The following MAP3K5 variants were observed in gnomAD, a reference collection of about 807,000 sequenced individuals.
MAP3K5 encodes the protein ASK-1.
In MAP3K5, 56 loss-of-function variants were observed where a neutral mutation model predicts 158.7. That is an observed-to-expected ratio of 0.35 (90% CI 0.28 to 0.44). MAP3K5 has a LOEUF of 0.44. Ranked by LOEUF, MAP3K5 falls within the 20% of genes least tolerant of loss-of-function variation. The pLI, the probability that MAP3K5 is intolerant of heterozygous loss-of-function variation, is 1.00. For synonymous variants in MAP3K5, 579 were observed against 601.7 expected, an observed-to-expected ratio of 0.96 and a Z score of 0.55; for missense variants, 1,294 against 1,674.8, an observed-to-expected ratio of 0.77 and a Z score of 3.97.
chr6:136,663,199 T>A (rs1323070626), intron 8 of MAP3K5, among the ~76,000 whole-genome samples: 1 of 152,172 alleles, frequency 6.6e-6, no homozygotes, highest in Non-Finnish European at 1.5e-5. Flanking sequence ...TCTAAAGCCA[T>A]ACACCTTATA....
chr6:136,770,063 G>C (rs923585438), intron 1 of MAP3K5, among the ~76,000 whole-genome samples: 1 of 152,110 alleles, frequency 6.6e-6, no homozygotes, highest in Non-Finnish European at 1.5e-5. Flanking sequence ...GCAATGGAAG[G>C]GGAGACCATG....
chr6:136,669,220 T>C, intron 8 of MAP3K5, 63 bp downstream of exon 8: 1 of 1,066,760 alleles, frequency 9.4e-7, no homozygotes, highest in Non-Finnish European at 1.4e-6. Context: ...CATGATTCTT[T>C]TTCTTTGCAC....
chr6:136,647,387 G>A (rs1165002435), intron 11 of MAP3K5, among the ~76,000 whole-genome samples: 4 of 152,100 alleles, frequency 2.6e-5, no homozygotes, highest in South Asian at 2.1e-4. Context: ...GAGTTGAAGC[G>A]CATGCCTAGG....
At chr6:136,637,435 C>A in intron 13 of MAP3K5, 29 bp from the exon 14 acceptor site, 1 of 1,252,644 alleles carries the variant, frequency 8.0e-7, no homozygotes, top group East Asian at 2.3e-5. Flanking sequence ...CGTGAGCATT[C>A]ATAACACAAA....
chr6:136,758,433 T>C (rs1783601250), intron 1 of MAP3K5, among the ~76,000 whole-genome samples: 1 of 152,250 alleles, frequency 6.6e-6, no homozygotes, highest in Admixed American at 6.5e-5. Flanking sequence ...ACTGCATTTA[T>C]ACCTCTCAAG....
At chr6:136,584,206 T>C (rs190740204) in intron 23 of MAP3K5, among the ~76,000 whole-genome samples, 2 of 152,236 alleles carry the variant, frequency 1.3e-5, no homozygotes, top group Admixed American at 1.3e-4. Flanking sequence ...ATTTGAGCAA[T>C]AAGCCATAGG....
At chr6:136,629,347 T>C (rs1777202474) in intron 14 of MAP3K5, 1 of 152,190 alleles carries the variant, frequency 6.6e-6, no homozygotes, top group African/African-American at 2.4e-5. Context: ...TCTTTATATG[T>C]AAATGCCAAA....
At chr6:136,642,024 T>TAAAATAAAATA (rs1777979329) in intron 12 of MAP3K5, among the ~76,000 whole-genome samples, 3 of 106,162 alleles carry the variant, frequency 2.8e-5, no homozygotes, top group African/African-American at 8.6e-5. Context: ...ATAAATAAAA[T>TAAAATAAAATA]AAAATAAAAA....
intron 23 of MAP3K5, among the ~76,000 whole-genome samples, chr6:136,587,106 T>C (rs1253815684): frequency 6.6e-6 from 1 of 152,220 alleles, no homozygotes; most frequent in Admixed American, 6.5e-5. Context: ...CTCCAGTCTT[T>C]ATCCTTTAAA....
rs569841428 is a variant in MAP3K5 at position 136,603,957 on chromosome 6, G to A, written c.2679+1252C>T. Among the ~76,000 whole-genome samples the A allele has an allele frequency of 6.6e-5, 10 of 152,312 alleles. No individual in the cohort carries two copies. The South Asian group carries it at 2.1e-3, about 32-fold the overall frequency. The stretch of plus-strand genomic sequence containing the variant: ...TGTAACAACACATGGCCCCTCACAA[G>A]AGGCTATGCACAGATGGAATAAGAG... On this transcript the variant is annotated intron_variant, in intron 19 of 29. Transcript: ENST00000359015.
intron 1 of MAP3K5, among the ~76,000 whole-genome samples, chr6:136,734,145 G>C (rs565595709): frequency 6.6e-6 from 1 of 152,046 alleles, no homozygotes; most frequent in Admixed American, 6.6e-5. Flanking sequence ...GGCTGGGTGC[G>C]GTAGCTCACC....
intron 21 of MAP3K5, among the ~76,000 whole-genome samples, chr6:136,600,690 C>T (rs1775835976): frequency 1.3e-5 from 2 of 152,116 alleles, no homozygotes; most frequent in Non-Finnish European, 2.9e-5. Flanking sequence ...ACATTTTCCA[C>T]AAGAAATACA....
intron 1 of MAP3K5, among the ~76,000 whole-genome samples, chr6:136,768,711 C>T (rs974137264): frequency 3.3e-5 from 5 of 151,526 alleles, no homozygotes; most frequent in African/African-American, 7.3e-5. Flanking sequence ...GTCAGGGGTT[C>T]GAGACCAGCT....
chr6:136,772,097 AT>A (rs1195784019), intron 1 of MAP3K5, among the ~76,000 whole-genome samples: 222 of 111,768 alleles, frequency 2.0e-3, no homozygotes, highest in African/African-American at 8.7e-3. Context: ...TTTAGTAGAA[AT>A]GGGGGGGGGG....
At chr6:136,735,326 T>C (rs796940184) in intron 1 of MAP3K5, among the ~76,000 whole-genome samples, 2 of 152,132 alleles carry the variant, frequency 1.3e-5, no homozygotes, top group South Asian at 4.1e-4. Flanking sequence ...AAGTAGAAAT[T>C]AGATATTAAA....
At chr6:136,568,283 T>G (rs1400878196) in intron 25 of MAP3K5, among the ~76,000 whole-genome samples, 1 of 152,234 alleles carries the variant, frequency 6.6e-6, no homozygotes. Context: ...ATTAACTTGC[T>G]TACAGATAAG....
chr6:136,579,538 T>C (rs776048792), intron 25 of MAP3K5, among the ~76,000 whole-genome samples: 3 of 152,226 alleles, frequency 2.0e-5, no homozygotes, highest in Admixed American at 6.5e-5. Flanking sequence ...ATATTCTTTA[T>C]GATACTATAA....
intron 7 of MAP3K5, among the ~76,000 whole-genome samples, chr6:136,679,323 C>G (rs2114583120): frequency 6.6e-6 from 1 of 152,248 alleles, no homozygotes; most frequent in African/African-American, 2.4e-5. Context: ...ATGTACTTTC[C>G]AACAAAGAAG....
At chr6:136,780,904 C>T (rs1784586760) in intron 1 of MAP3K5, among the ~76,000 whole-genome samples, 1 of 152,102 alleles carries the variant, frequency 6.6e-6, no homozygotes, top group Non-Finnish European at 1.5e-5. Context: ...TTCAGTTTTT[C>T]CCATGCAAAC....
Sources: gnomAD v4.1 joint callset for allele counts (sites outside exome capture counted in the v4.1 genomes callset) on GRCh38, gnomAD v4.1.1 for gene constraint, MANE v1.5 for transcripts, NCBI Gene and HGNC (gene_info 2026-07-23, HGNC 2026-07-21) for gene names.